The following SLC22A6 variants were observed in gnomAD, a reference collection of about 807,000 sequenced individuals.
The protein encoded by SLC22A6 is PAH transporter.
Under a neutral mutation model 56.7 loss-of-function variants are expected in SLC22A6, and 45 were observed. That is an observed-to-expected ratio of 0.79 (90% confidence interval 0.63 to 1.02). The LOEUF (loss-of-function observed/expected upper bound fraction) is 1.02. Among genes scored for constraint, SLC22A6 ranks in the 50% least tolerant of loss-of-function variants. SLC22A6 has a pLI of 0.00. For missense variants in SLC22A6, 606 were observed against 713.8 expected, an observed-to-expected ratio of 0.85 and a Z score of 1.72; for synonymous variants, 291 against 295.9, an observed-to-expected ratio of 0.98 and a Z score of 0.17.
In SLC22A6 at chr11:62,976,803, A is replaced by G. The variant is rs1319934650; in HGVS notation, c.1644T>C (p.Asn548=). 6 of 1,613,060 alleles carry G rather than the reference A, an allele frequency of 3.7e-6. No individual in the cohort carries two copies. Among genetic ancestry groups the G allele is most frequent in the South Asian group, 3.3e-5 (3 of 90,778 alleles). ...VPLQASAQEK[N]GL is the part of the protein sequence containing the mutation. ...GGCCCCTTCTCAGTCCTCAGAGTCCATTCTTCTCTTGTGCTGAGGCCTGCA... is the reference window on the plus strand; with the variant it reads ...GGCCCCTTCTCAGTCCTCAGAGTCCGTTCTTCTCTTGTGCTGAGGCCTGCA... Residue 548 remains asparagine (N), a synonymous_variant, in exon 10 of 10, where the codon AAT becomes AAC. Coordinates refer to ENST00000360421, the MANE Select transcript of SLC22A6 (RefSeq NM_153276.3).
intron 9 of SLC22A6, 52 bp from the exon 10 acceptor site, chr11:62,976,933 G>A: frequency 6.3e-7 from 1 of 1,599,136 alleles, no homozygotes; most frequent in Non-Finnish European, 8.6e-7. Context: ...CCAGGCCAGG[G>A]CCGGGATATG....
chr11:62,981,391 C>T lies in SLC22A6; in HGVS notation c.798-8G>A, dbSNP rs11568611. On this transcript the variant is annotated splice_polypyrimidine_tract_variant and splice_region_variant and intron_variant, in intron 4 of 9. Coordinates refer to ENST00000360421, the MANE Select transcript of SLC22A6 (RefSeq NM_153276.3). ...GCCGACTCAATGAAGAACCTGGGAG[C>T]GGGGGTGGGGGTGGGTGTCAGCATG... 414 of 308,318 alleles carry T rather than the reference C, an allele frequency of 1.3e-3. 3 individuals carry two copies. The East Asian group carries it at 0.034, about 26-fold the overall frequency. The allele number at this position is 308,318 out of a possible 1,614,324, so 19.1% of individuals were successfully genotyped here.
intron 6 of SLC22A6, among the ~76,000 whole-genome samples, chr11:62,980,294 G>A (rs2086238179): frequency 6.6e-6 from 1 of 152,218 alleles, no homozygotes; most frequent in African/African-American, 2.4e-5. Context: ...TCAGGGCCAA[G>A]GCAGCTGGGA....
intron 4 of SLC22A6, among the ~76,000 whole-genome samples, 170 bp downstream of exon 4, chr11:62,981,672 C>G (rs2086257193): frequency 6.6e-6 from 1 of 152,044 alleles, no homozygotes; most frequent in South Asian, 2.1e-4. Context: ...TGGGGCAAAG[C>G]CTTCTCCCCA....
chr11:62,982,135 T>G (rs989236132), intron 3 of SLC22A6, 125 bp from the exon 4 acceptor site: 2 of 887,564 alleles, frequency 2.3e-6, no homozygotes, highest in Admixed American at 2.9e-5. Context: ...GTAAGTTGAG[T>G]GCCAGGGTGA....
intron 8 of SLC22A6, 100 bp from the exon 9 acceptor site, chr11:62,977,487 G>A: frequency 7.4e-7 from 1 of 1,347,650 alleles, no homozygotes; most frequent in Non-Finnish European, 1.0e-6. Context: ...CAGCCCCCAG[G>A]ACACTCCCGG....
At chr11:62,980,280 A>G (rs921501285) in intron 6 of SLC22A6, among the ~76,000 whole-genome samples, 1 of 152,196 alleles carries the variant, frequency 6.6e-6, no homozygotes, top group Non-Finnish European at 1.5e-5. Context: ...TACCCAAGCC[A>G]TCTTCAGGGC....
At chr11:62,977,048 A>G in intron 9 of SLC22A6, 136 bp downstream of exon 9, 1 of 1,559,214 alleles carries the variant, frequency 6.4e-7, no homozygotes, top group Non-Finnish European at 8.7e-7. Context: ...ATTCTAGGAG[A>G]AGCTCAGGCA....
chr11:62,984,624 G>C lies in SLC22A6; in HGVS notation c.67C>G (p.Leu23Val). 6.2e-7 allele frequency: 1 copy of C among 1,613,736 alleles called. No individual in the cohort carries two copies. The change falls in exon 1 of 10, where the codon CTG (leucine) becomes GTG (valine). Residue 23 changes from leucine (L) to valine (V), a missense_variant. By Grantham distance (32) the Leu-to-Val change is conservative. Coordinates refer to ENST00000360421, the MANE Select transcript of SLC22A6 (RefSeq NM_153276.3). ...VGRFQQIQVT[L>V]VVLPLLLMAS... The stretch of plus-strand genomic sequence containing the variant: ...ATCAGGAGCAGGGGGAGGACCACCA[G>C]GGTGACCTGGATCTGCTGGAAGCGG...
In SLC22A6 at chr11:62,984,488, G is replaced by T. The variant is rs1472604813; in HGVS notation, c.203C>A (p.Pro68His). ...CTCAGGCTGCCCCTGCCTGTCCCGG[G>T]GCAGCCAGACCTCCAGCCCCCCGTT... ...SKNGGLEVWL[P>H]RDRQGQPESC... Residue 68 changes from proline to histidine, a missense_variant, in exon 1 of 10, where the codon CCC becomes CAC. Transcript: ENST00000360421. The T allele has an allele frequency of 1.2e-6, 2 of 1,613,938 alleles. No individual in the cohort carries two copies. The highest frequency in any genetic ancestry group is 2.2e-5 in the East Asian group (1 of 44,860).
At position 62,983,893 on chromosome 11, in the gene SLC22A6, G is replaced by T; in HGVS notation, c.473+51C>A. On this transcript the variant is annotated intron_variant, in intron 2 of 9. Transcript: ENST00000360421. The surrounding 1 kb of genome is among the most constrained non-coding windows in gnomAD (Gnocchi z 4.5). ...CCACCTAGACACCCTGAGCCCAGCT[G>T]AGCCCCTAATCCCAGCCCAGCCCAG... is the stretch of plus-strand genomic sequence containing the variant. The T allele has an allele frequency of 7.1e-7, 1 of 1,399,632 alleles. No individual in the cohort carries two copies. Among genetic ancestry groups the T allele is most frequent in the Non-Finnish European group, 1.0e-6 (1 of 1,003,556 alleles). 86.7% of individuals were successfully genotyped at this position (1,399,632 alleles called of 1,614,324 possible).
chr11:62,977,452 C>A, intron 8 of SLC22A6, 65 bp from the exon 9 acceptor site: 1 of 1,525,346 alleles, frequency 6.6e-7, no homozygotes, highest in South Asian at 1.2e-5. Context: ...ATGCTGGTCC[C>A]ATTTGGAGGG....
chr11:62,981,862 A>G lies in SLC22A6; in HGVS notation c.777T>C (p.Phe259=). 6.2e-7 allele frequency: 1 copy of G among 1,606,788 alleles called. No individual in the cohort carries two copies. The highest frequency in any genetic ancestry group is 8.5e-7 in the Non-Finnish European group (1 of 1,176,752). Residue 259 remains phenylalanine (F), a synonymous_variant, in exon 4 of 10, where the codon TTT becomes TTC. Coordinates refer to ENST00000360421, the MANE Select transcript of SLC22A6 (RefSeq NM_153276.3). Reference sequence around the variant, plus strand: ...CGCACCAGGAGTAGATGAAGAAGGCAAAAAAAGGCGCAGAGACCAGTAGCT... The same window carrying G: ...CGCACCAGGAGTAGATGAAGAAGGCGAAAAAAGGCGCAGAGACCAGTAGCT... ...HLQLLVSAPF[F]AFFIYSWFFI...
In SLC22A6 at chr11:62,983,047, CTTT is replaced by C. The variant is rs1225439766; in HGVS notation, c.628+487_628+489del. On this transcript the variant is annotated intron_variant, in intron 3 of 9. Transcript: ENST00000360421. The surrounding 1 kb of genome is among the most constrained non-coding windows in gnomAD (Gnocchi z 4.5). ...TCTAACAATGGAGTTTGCAATCCTG[CTTT>C]TTTTTTTTTTTTGAGACAGAGTCTC... 1.4e-5 allele frequency among the ~76,000 whole-genome samples: 2 copies of C among 141,134 alleles called. No homozygotes were observed. Among genetic ancestry groups the C allele is most frequent in the African/African-American group, 2.6e-5 (1 of 38,578 alleles). 92.6% of individuals were successfully genotyped at this position (141,134 alleles called of 152,430 possible). A position where few individuals can be genotyped will look rare whatever the true frequency, so the allele number is the denominator to read the frequency against.
chr11:62,980,324 G>A (rs2086238543), intron 6 of SLC22A6, among the ~76,000 whole-genome samples: 10 of 152,166 alleles, frequency 6.6e-5, no homozygotes, highest in Admixed American at 6.5e-4. Context: ...GAGCCTTCTG[G>A]GACCTGTCCA....
At position 62,979,611 on chromosome 11, in the gene SLC22A6, G is replaced by T. The variant is rs149088036; in HGVS notation, c.1253-15C>A. 23 of 1,607,844 alleles carry T rather than the reference G, an allele frequency of 1.4e-5. No homozygotes were observed. The Admixed American group carries it at 2.7e-4, about 19-fold the overall frequency. ...AATGGACTGGTCTAGAGAGAAAGAA[G>T]GGGGGATAGCAGGAGCTTGGGAGTG... On this transcript the variant is annotated splice_polypyrimidine_tract_variant and intron_variant, in intron 7 of 9. Transcript: ENST00000360421.
Position 62,977,378 on chromosome 11 carries a change from GCCTGTCTGCCTGCAGGGC to G in SLC22A6, c.1362-9_1370del. ...GGGCCATGGTGCTGCCCATTCCCATGCCTGTCTGCCTGCAGGGCCCGCAGCAGATGGGTGTTGGTTAGA... is the reference window on the plus strand; with the variant it reads ...GGGCCATGGTGCTGCCCATTCCCATGCCGCAGCAGATGGGTGTTGGTTAGA... On this transcript the variant is annotated splice_acceptor_variant and splice_polypyrimidine_tract_variant and coding_sequence_variant and intron_variant, in exon 9 of 10. Transcript: ENST00000360421. LOFTEE classifies it high-confidence loss of function. 6.2e-7 allele frequency: 1 copy of G among 1,609,100 alleles called. No homozygotes were observed. The highest frequency in any genetic ancestry group is 8.5e-7 in the Non-Finnish European group (1 of 1,179,550).
In SLC22A6 at chr11:62,983,219, T is replaced by C. The variant is rs907253378; in HGVS notation, c.628+318A>G. Reference sequence around the variant, plus strand: ...GCCATCACACCTGGCTAATTTTTTGTATTTTTAGTAGAGACGGGGTTTCAC... The same window carrying C: ...GCCATCACACCTGGCTAATTTTTTGCATTTTTAGTAGAGACGGGGTTTCAC... On this transcript the variant is annotated intron_variant, in intron 3 of 9. Coordinates refer to ENST00000360421, the MANE Select transcript of SLC22A6 (RefSeq NM_153276.3). The surrounding 1 kb of genome is among the most constrained non-coding windows in gnomAD (Gnocchi z 4.5). 6.6e-6 allele frequency among the ~76,000 whole-genome samples: 1 copy of C among 152,144 alleles called. No individual in the cohort carries two copies. The highest frequency in any genetic ancestry group is 6.5e-5 in the Admixed American group (1 of 15,272).
intron 8 of SLC22A6, among the ~76,000 whole-genome samples, chr11:62,978,869 C>T (rs2086220188): frequency 6.6e-6 from 1 of 152,194 alleles, no homozygotes; most frequent in East Asian, 1.9e-4. Context: ...GGATTACAGG[C>T]GTGAGCCACC....
Sources: allele counts gnomAD v4.1 joint callset (sites outside exome capture counted in the v4.1 genomes callset), GRCh38; gene constraint gnomAD v4.1.1; non-coding constraint Gnocchi (gnomAD v3.1); transcripts MANE v1.5; gene names NCBI Gene and HGNC (gene_info 2026-07-23, HGNC 2026-07-21).